The following POLN variants were observed in gnomAD, a reference collection of about 807,000 sequenced individuals.
POLN encodes the protein DNA polymerase nu, also known as DNA polymerase N.
POLN carries 108 observed loss-of-function variants against 113.5 expected under a neutral mutation model. The ratio of observed to expected loss-of-function variants is 0.95; its 90% confidence interval spans 0.81 to 1.12. The LOEUF is 1.12. Ranked by LOEUF, POLN falls within the 50% of genes most tolerant of loss-of-function variation. POLN has a pLI of 0.00. For synonymous variants in POLN, 386 were observed against 391.5 expected, an observed-to-expected ratio of 0.99 and a Z score of 0.17; for missense variants, 1,097 against 1,077.1, an observed-to-expected ratio of 1.02 and a Z score of -0.26.
intron 16 of POLN, among the ~76,000 whole-genome samples, chr4:2,150,432 C>A (rs1732263961): frequency 6.6e-6 from 1 of 152,182 alleles, no homozygotes; most frequent in East Asian, 1.9e-4. Context: ...TCAAGGTAAT[C>A]CCAATGAAAA....
chr4:2,084,693 TC>T (rs1730508475), intron 21 of POLN, among the ~76,000 whole-genome samples: 1 of 152,040 alleles, frequency 6.6e-6, no homozygotes, highest in South Asian at 2.1e-4. Flanking sequence ...ACGGAGAGGG[TC>T]CACGAGGCTG....
At chr4:2,146,890 T>C (rs893431386) in intron 16 of POLN, among the ~76,000 whole-genome samples, 1 of 152,134 alleles carries the variant, frequency 6.6e-6, no homozygotes, top group African/African-American at 2.4e-5. Context: ...AAATGTTAAT[T>C]TGGCTCCATC....
chr4:2,078,091 C>G (rs926843537), intron 23 of POLN, among the ~76,000 whole-genome samples: 1 of 152,224 alleles, frequency 6.6e-6, no homozygotes, highest in Non-Finnish European at 1.5e-5. Context: ...GCAAGGGATG[C>G]CCCCAGCCCT....
intron 7 of POLN, among the ~76,000 whole-genome samples, chr4:2,189,494 C>A (rs1165436869): frequency 4.0e-5 from 6 of 149,732 alleles, no homozygotes; most frequent in Non-Finnish European, 7.4e-5. Context: ...AAAAAATTAG[C>A]CAGGCATGGT....
intron 19 of POLN, among the ~76,000 whole-genome samples, chr4:2,119,930 G>T (rs917275452): frequency 5.6e-4 from 86 of 152,286 alleles, no homozygotes; most frequent in African/African-American, 1.9e-3. Flanking sequence ...CTAATAAAAT[G>T]CAGGGAAGAC....
intron 19 of POLN, among the ~76,000 whole-genome samples, chr4:2,105,755 C>A (rs1731049655): frequency 6.6e-6 from 1 of 152,034 alleles, no homozygotes. Context: ...CTCCCTACCC[C>A]AAACATTCCA....
chr4:2,188,559 C>T (rs1018303071), intron 7 of POLN, among the ~76,000 whole-genome samples: 5 of 151,912 alleles, frequency 3.3e-5, no homozygotes, highest in African/African-American at 1.2e-4. Context: ...CGAGATTGCG[C>T]CACTGCACTC....
At chr4:2,084,817 T>C (rs1730510950) in intron 21 of POLN, among the ~76,000 whole-genome samples, 1 of 152,268 alleles carries the variant, frequency 6.6e-6, no homozygotes, top group African/African-American at 2.4e-5. Flanking sequence ...TGCTGAGTGC[T>C]GTGAGTGCAA....
intron 19 of POLN, among the ~76,000 whole-genome samples, chr4:2,110,910 T>C (rs1257364909): frequency 1.3e-5 from 2 of 152,202 alleles, no homozygotes; most frequent in African/African-American, 4.8e-5. Flanking sequence ...ATCATCTTGA[T>C]ACCAAAGCCT....
chr4:2,072,446 TACACGTGCAC>T, intron 25 of POLN, 147 bp from the exon 26 acceptor site: 1 of 682,906 alleles, frequency 1.5e-6, no homozygotes. Flanking sequence ...CACATGTGCA[TACACGTGCAC>T]ACTCACCACA....
intron 2 of POLN, chr4:2,236,461 A>T (rs114004493): frequency 2.5e-6 from 4 of 1,581,326 alleles, no homozygotes; most frequent in Non-Finnish European, 3.5e-6. Flanking sequence ...TAAAGCCTGA[A>T]ATGTAAAAAT....
chr4:2,236,161 TC>T (rs1734756177), intron 2 of POLN: 1 of 900,398 alleles, frequency 1.1e-6, no homozygotes, highest in African/African-American at 1.7e-5. Context: ...GTTAACATTT[TC>T]TTTAATATCT....
At chr4:2,138,740 A>G (rs916092065) in intron 16 of POLN, among the ~76,000 whole-genome samples, 4 of 152,106 alleles carry the variant, frequency 2.6e-5, no homozygotes, top group Non-Finnish European at 4.4e-5. Context: ...GGTCTCTAGT[A>G]AAAATACAAA....
At chr4:2,222,395 A>C (rs1326285899) in intron 3 of POLN, among the ~76,000 whole-genome samples, 1 of 151,774 alleles carries the variant, frequency 6.6e-6, no homozygotes. Context: ...AAACAAACAA[A>C]CAAAAAAAAA....
At chr4:2,176,183 A>G in intron 9 of POLN, 83 bp downstream of exon 9, 1 of 1,126,882 alleles carries the variant, frequency 8.9e-7, no homozygotes, top group Non-Finnish European at 1.3e-6. Flanking sequence ...CTTCACATTC[A>G]AACTCCCTGG....
At chr4:2,130,407 A>T (rs1217543205) in intron 17 of POLN, among the ~76,000 whole-genome samples, 8 of 152,324 alleles carry the variant, frequency 5.3e-5, no homozygotes, top group African/African-American at 1.9e-4. Flanking sequence ...CAGGGGCAGG[A>T]GCGCCACTGC....
chr4:2,238,810 C>G, intron 2 of POLN: 1 of 1,613,302 alleles, frequency 6.2e-7, no homozygotes, highest in Non-Finnish European at 8.5e-7. Flanking sequence ...CAAATGATGC[C>G]TTTTGTTTTA....
chr4:2,148,449 ACAAGGT>A (rs1360812516), intron 16 of POLN, among the ~76,000 whole-genome samples: 2 of 152,108 alleles, frequency 1.3e-5, no homozygotes, highest in African/African-American at 4.8e-5. Flanking sequence ...CGGGTAGATT[ACAAGGT>A]CAGGAATTTG....
At chr4:2,084,187 C>A (rs1577681497) in intron 21 of POLN, among the ~76,000 whole-genome samples, 1 of 152,266 alleles carries the variant, frequency 6.6e-6, no homozygotes, top group African/African-American at 2.4e-5. Flanking sequence ...CATCTCAAAT[C>A]TCTTTCCCAC....
Sources: gnomAD v4.1 joint callset for allele counts (sites outside exome capture counted in the v4.1 genomes callset) on GRCh38, gnomAD v4.1.1 for gene constraint, MANE v1.5 for transcripts, NCBI Gene and HGNC (gene_info 2026-07-23, HGNC 2026-07-21) for gene names.